Variants in RTN1 observed in about 807,000 individuals in gnomAD.
RTN1 encodes reticulon-1.
In RTN1, 25 loss-of-function variants were observed where a neutral mutation model predicts 65.5. The ratio of observed to expected loss-of-function variants is 0.38; its 90% CI spans 0.28 to 0.53. The LOEUF (loss-of-function observed/expected upper bound fraction) is 0.53, where lower values mean the gene tolerates loss of function less well. Among genes scored for constraint, RTN1 ranks in the 20% least tolerant of loss-of-function variants. RTN1 has a pLI of 0.79. For synonymous variants in RTN1, 471 were observed against 447.6 expected (o/e 1.05, Z -0.66); for missense variants, 983 against 1,025.4 (o/e 0.96, Z 0.57).
At chr14:59,776,149 C>A (rs1024059770) in intron 1 of RTN1, among the ~76,000 whole-genome samples, 1 of 152,092 alleles carries the variant, frequency 6.6e-6, no homozygotes, top group Non-Finnish European at 1.5e-5. Flanking sequence ...ATTGTCTTCT[C>A]TCCTTCTTCC....
intron 1 of RTN1, among the ~76,000 whole-genome samples, chr14:59,813,663 G>A (rs896617032): frequency 1.6e-4 from 24 of 152,130 alleles, no homozygotes; most frequent in Non-Finnish European, 3.2e-4. Flanking sequence ...GAAATTCAAA[G>A]TACATTGAAT....
chr14:59,857,027 T>A (rs1887620899), intron 1 of RTN1, among the ~76,000 whole-genome samples: 1 of 152,154 alleles, frequency 6.6e-6, no homozygotes, highest in South Asian at 2.1e-4. Flanking sequence ...ACTAGATAAA[T>A]CTGATCTCTC....
intron 3 of RTN1, among the ~76,000 whole-genome samples, chr14:59,718,272 G>A (rs1181791267): frequency 2.0e-5 from 3 of 152,176 alleles, no homozygotes; most frequent in South Asian, 2.1e-4. Context: ...GACCATGGCC[G>A]ACTGCAGTCT....
intron 1 of RTN1, among the ~76,000 whole-genome samples, chr14:59,857,492 C>T (rs541332880): frequency 4.7e-4 from 71 of 152,294 alleles, no homozygotes; most frequent in Admixed American, 3.9e-3. Flanking sequence ...CCATAGGGCA[C>T]AAAACTGCAG....
At position 59,754,942 on chromosome 14, in the gene RTN1, C is replaced by T. The variant is rs558933530; in HGVS notation, c.242-8461G>A. Among the ~76,000 whole-genome samples the T allele has an allele frequency of 2.6e-5, 4 of 152,254 alleles. No individual in the cohort carries two copies. In the East Asian group the frequency reaches 7.7e-4, roughly 29 times the overall value. On this transcript the variant is annotated intron_variant, in intron 1 of 8. Transcript: ENST00000267484. ...TACGTACTTTAAATGGACATAGATC[C>T]TGTCATGAACGTGATGATGCCTGAC...
chr14:59,720,618 T>C (rs528162192), intron 3 of RTN1, among the ~76,000 whole-genome samples: 14 of 151,508 alleles, frequency 9.2e-5, no homozygotes, highest in Non-Finnish European at 1.9e-4. Context: ...AACTACTCAG[T>C]AGGCTGAAGC....
chr14:59,734,863 C>T (rs1468574379), intron 2 of RTN1, among the ~76,000 whole-genome samples: 7 of 152,084 alleles, frequency 4.6e-5, no homozygotes, highest in East Asian at 1.9e-4. Context: ...CAGGCCAACA[C>T]TCAAATTCAA....
Position 59,727,221 on chromosome 14 carries a change from G to A in RTN1, c.1463C>T (p.Pro488Leu), listed in dbSNP as rs1884787300. The change falls in exon 3 of 9, where the codon CCC (proline) becomes CTC (leucine). Residue 488 changes from proline (P) to leucine (L), a missense_variant. Physicochemically the swap from Pro to Leu is moderately conservative, Grantham distance 98 (BLOSUM62 -3). Around this residue, in one of 2 missense-constraint regions of RTN1, gnomAD observed 818 missense variants for 801.8 expected, o/e 1.02. Coordinates refer to ENST00000267484, the MANE Select transcript of RTN1 (RefSeq NM_021136.3). This position sits in a 1 kb window ranked among gnomAD's most constrained non-coding sequence, Gnocchi z 4.2. The part of the protein sequence containing the change: ...EESPKREQDS[P>L]PMKPSALDAI... Reference sequence around the variant, plus strand: ...ATCCAGGGCGCTGGGCTTCATCGGGGGTGAGTCCTGCTCCCGCTTGGGGCT... The same window carrying A: ...ATCCAGGGCGCTGGGCTTCATCGGGAGTGAGTCCTGCTCCCGCTTGGGGCT... The A allele has an allele frequency of 6.4e-7, 1 of 1,566,700 alleles. No individual in the cohort carries two copies. Among genetic ancestry groups the A allele is most frequent in the South Asian group, 1.2e-5 (1 of 84,658 alleles).
intron 1 of RTN1, among the ~76,000 whole-genome samples, chr14:59,831,849 C>T (rs1887130243): frequency 1.3e-5 from 2 of 152,014 alleles, no homozygotes. Context: ...TCCCCCCTCA[C>T]TCTCTGTGGC....
chr14:59,620,307 A>T (rs868682727), intron 3 of RTN1, among the ~76,000 whole-genome samples: 1 of 152,166 alleles, frequency 6.6e-6, no homozygotes, highest in Non-Finnish European at 1.5e-5. Flanking sequence ...GAGGTTCCTG[A>T]GACTAAGTAG....
intron 1 of RTN1, among the ~76,000 whole-genome samples, chr14:59,785,947 G>A (rs960537941): frequency 3.3e-5 from 5 of 152,152 alleles, no homozygotes; most frequent in African/African-American, 1.2e-4. Flanking sequence ...CAAGACAATG[G>A]AGCCATCCAT....
In RTN1 at chr14:59,783,091, G is replaced by GA. The variant is rs1160326422; in HGVS notation, c.242-36611dup. Reference sequence around the variant, plus strand: ...TTTTACAGATGAAGAAAGCAAGACAGAAAAAAGGTTAGGAAAGCTGTCCAA... The same window carrying GA: ...TTTTACAGATGAAGAAAGCAAGACAGAAAAAAAGGTTAGGAAAGCTGTCCAA... On this transcript the variant is annotated intron_variant, in intron 1 of 8. Coordinates refer to ENST00000267484, the MANE Select transcript of RTN1 (RefSeq NM_021136.3). 4.6e-5 allele frequency among the ~76,000 whole-genome samples: 7 copies of GA among 152,166 alleles called. No individual in the cohort carries two copies. The East Asian group carries it at 7.7e-4, about 17-fold the overall frequency.
At chr14:59,742,530 C>A (rs991627127) in intron 2 of RTN1, among the ~76,000 whole-genome samples, 1 of 152,098 alleles carries the variant, frequency 6.6e-6, no homozygotes, top group Non-Finnish European at 1.5e-5. Flanking sequence ...GAGAACGTTA[C>A]AAAATGGAAT....
intron 1 of RTN1, among the ~76,000 whole-genome samples, chr14:59,750,306 A>AATATATATATCTATAATATATAAT (rs370717289): frequency 3.9e-5 from 1 of 25,428 alleles, no homozygotes; most frequent in Non-Finnish European, 6.3e-5. Context: ...TATAATATAT[A>AATATATATATCTATAATATATAAT]ATATATAATA....
intron 3 of RTN1, among the ~76,000 whole-genome samples, chr14:59,674,614 CAAAG>C (rs1883583268): frequency 6.6e-6 from 1 of 152,058 alleles, no homozygotes; most frequent in Non-Finnish European, 1.5e-5. Context: ...AAACGGCATT[CAAAG>C]AAAGAAACCA....
At chr14:59,642,115 G>A (rs966365291) in intron 3 of RTN1, among the ~76,000 whole-genome samples, 3 of 152,132 alleles carry the variant, frequency 2.0e-5, no homozygotes, top group Admixed American at 1.3e-4. Context: ...TCATTGGGCA[G>A]AGGTTTAATT....
intron 1 of RTN1, among the ~76,000 whole-genome samples, chr14:59,780,210 A>G (rs1886127973): frequency 6.6e-6 from 1 of 152,204 alleles, no homozygotes; most frequent in Admixed American, 6.5e-5. Flanking sequence ...TGTAAAAGAC[A>G]TATTTTCGGT....
intron 3 of RTN1, among the ~76,000 whole-genome samples, chr14:59,609,952 T>C (rs1205833276): frequency 6.6e-6 from 1 of 152,186 alleles, no homozygotes; most frequent in African/African-American, 2.4e-5. Context: ...AAATACATTA[T>C]AAGACAGAAT....
chr14:59,617,680 G>C (rs1465788239), intron 3 of RTN1, among the ~76,000 whole-genome samples: 1 of 152,126 alleles, frequency 6.6e-6, no homozygotes, highest in Non-Finnish European at 1.5e-5. Flanking sequence ...GCAAATCTTT[G>C]CTTTTAAAAC....
Sources: gnomAD v4.1 joint callset for allele counts (sites outside exome capture counted in the v4.1 genomes callset) on GRCh38, gnomAD v4.1.1 for gene constraint, gnomAD v4.1.1 regional missense constraint, Gnocchi (gnomAD v3.1) non-coding constraint, MANE v1.5 for transcripts, NCBI Gene and HGNC (gene_info 2026-07-23, HGNC 2026-07-21) for gene names.